DPP6: variants seen among roughly 807,000 people sequenced by gnomAD.
The protein encoded by DPP6 is dipeptidyl peptidase like 6, also known as A-type potassium channel modulatory protein DPP6.
Under a neutral mutation model 122.6 loss-of-function variants are expected in DPP6, and 69 were observed. The ratio of observed to expected loss-of-function variants is 0.56; its 90% CI spans 0.46 to 0.69. DPP6 has a LOEUF of 0.69. Among genes scored for constraint, DPP6 ranks in the 30% least tolerant of loss-of-function variants. DPP6 has a pLI of 0.00. For synonymous variants in DPP6, 418 were observed against 433.1 expected (o/e 0.97, Z 0.43); for missense variants, 928 against 1,116.9 (o/e 0.83, Z 2.41).
At chr7:154,017,398 A>G (rs1798473251) in intron 1 of DPP6, among the ~76,000 whole-genome samples, 2 of 152,160 alleles carry the variant, frequency 1.3e-5, no homozygotes, top group African/African-American at 4.8e-5. Context: ...TTTATTGTAT[A>G]TTTCAAAATA....
intron 17 of DPP6, among the ~76,000 whole-genome samples, chr7:154,861,968 C>G (rs533015428): frequency 1.1e-4 from 17 of 152,254 alleles, no homozygotes; most frequent in African/African-American, 4.1e-4. Flanking sequence ...TGTGGCCCAT[C>G]CATTCTCTGT....
chr7:153,911,226 G>T (rs1800078497), intron 1 of DPP6, among the ~76,000 whole-genome samples: 1 of 152,162 alleles, frequency 6.6e-6, no homozygotes, highest in African/African-American at 2.4e-5. Context: ...TCTTCACCCA[G>T]ATGTTGGCTT....
At chr7:154,052,025 C>T (rs1386706259), upstream of DPP6, among the ~76,000 whole-genome samples, 3 of 151,062 alleles carry the variant, frequency 2.0e-5, no homozygotes, top group Admixed American at 1.3e-4. This position sits in a 1 kb window ranked among gnomAD's most constrained non-coding sequence, Gnocchi z 4.8. Context: ...CTGGGGCGCC[C>T]CGGGGCCGGC....
chr7:154,715,740 A>G (rs111456875), intron 7 of DPP6, among the ~76,000 whole-genome samples: 3,945 of 152,202 alleles, frequency 0.026, 151 homozygotes, highest in African/African-American at 0.09. Flanking sequence ...GAGGGACTTT[A>G]TGTTGTATAA....
chr7:154,520,370 G>A (rs1311092304), intron 3 of DPP6, among the ~76,000 whole-genome samples: 4 of 152,256 alleles, frequency 2.6e-5, no homozygotes, highest in African/African-American at 9.6e-5. Context: ...CCTGCTAGCA[G>A]ATATGAAAGA....
At chr7:154,587,372 G>A (rs573246899) in intron 5 of DPP6, 1 of 515,212 alleles carries the variant, frequency 1.9e-6, no homozygotes, top group South Asian at 2.4e-5. Flanking sequence ...CCTTTGCCTT[G>A]ATCTGGACTC....
At chr7:154,670,512 G>A (rs1038249263) in intron 7 of DPP6, among the ~76,000 whole-genome samples, 6 of 152,150 alleles carry the variant, frequency 3.9e-5, no homozygotes, top group South Asian at 2.1e-4. Flanking sequence ...CTAGCCTTGC[G>A]TTTGACTAAA....
chr7:153,836,315 A>G, the DPP6 span, among the ~76,000 whole-genome samples: 3 of 152,296 alleles, frequency 2.0e-5, no homozygotes, highest in African/African-American at 7.2e-5. Flanking sequence ...AATATTATCT[A>G]TCAAAGCTAG....
At chr7:154,030,364 T>A (rs1303029431) in intron 1 of DPP6, among the ~76,000 whole-genome samples, 7 of 152,152 alleles carry the variant, frequency 4.6e-5, no homozygotes, top group African/African-American at 1.7e-4. Flanking sequence ...AGGAGGCTTC[T>A]GTGGGGTGGT....
intron 1 of DPP6, among the ~76,000 whole-genome samples, chr7:153,958,028 G>A (rs59716170): frequency 0.34 from 51,186 of 151,934 alleles, 10,011 homozygotes; most frequent in East Asian, 0.53. Flanking sequence ...GCTGGGTGTG[G>A]TGGTGGGCGT....
At chr7:154,680,705 TAAAAAG>T (rs1338468132) in intron 7 of DPP6, among the ~76,000 whole-genome samples, 2 of 144,938 alleles carry the variant, frequency 1.4e-5, no homozygotes, top group Non-Finnish European at 3.0e-5. Context: ...AAAAAAAAAT[TAAAAAG>T]AGAAGAAAAT....
At chr7:154,315,831 T>G (rs1468756) in intron 1 of DPP6, among the ~76,000 whole-genome samples, 90,958 of 151,992 alleles carry the variant, frequency 0.6, 27,711 homozygotes, top group South Asian at 0.68. Flanking sequence ...TCCATAGGGG[T>G]CAGTTTAACT....
At chr7:154,386,018 C>A (rs935761741) in intron 1 of DPP6, among the ~76,000 whole-genome samples, 21 of 152,174 alleles carry the variant, frequency 1.4e-4, no homozygotes, top group African/African-American at 4.1e-4. Context: ...AGAAAGCCAA[C>A]CCTTTCTTGC....
intron 1 of DPP6, among the ~76,000 whole-genome samples, chr7:154,090,662 G>T (rs1198982217): frequency 6.6e-6 from 1 of 151,732 alleles, no homozygotes; most frequent in Non-Finnish European, 1.5e-5. Context: ...GAGCTGAGAA[G>T]CACAGAGGTT....
At chr7:154,046,172 CA>C (rs1800008378) in intron 1 of DPP6, among the ~76,000 whole-genome samples, 2 of 152,160 alleles carry the variant, frequency 1.3e-5, no homozygotes, top group Admixed American at 1.3e-4. Context: ...AGGTCTTCTC[CA>C]AGTGTGTTTG....
At chr7:154,308,527 C>T (rs1176535409) in intron 1 of DPP6, among the ~76,000 whole-genome samples, 1 of 152,086 alleles carries the variant, frequency 6.6e-6, no homozygotes, top group Non-Finnish European at 1.5e-5. Context: ...CTGAGTTGAT[C>T]CTTTGGCTCT....
the DPP6 span, among the ~76,000 whole-genome samples, chr7:153,750,092 C>G: frequency 6.6e-6 from 1 of 152,066 alleles, no homozygotes; most frequent in Admixed American, 6.5e-5. Flanking sequence ...TCTACTTGTT[C>G]GGAGTTGAAG....
intron 25 of DPP6, chr7:154,889,806 G>A: frequency 2.1e-6 from 1 of 471,578 alleles, no homozygotes. Flanking sequence ...CCTCCTCCGG[G>A]CAGTGAGAAG....
At position 153,944,724 on chromosome 7, in the gene DPP6, G is replaced by A. The variant is rs1362656997; in HGVS notation, c.51+56990G>A. On this transcript the variant is annotated intron_variant, in intron 1 of 25. Transcript: ENST00000404039. ...CGGCCCACTGCAACCTCTGCCTCCC[G>A]TGTTCAAGCAATTCTCCCACCTCAA... 4.0e-5 allele frequency among the ~76,000 whole-genome samples: 5 copies of A among 124,620 alleles called. No individual in the cohort carries two copies. The South Asian group carries it at 1.0e-3, about 26-fold the overall frequency. The allele number at this position is 124,620 out of a possible 152,430, so 81.8% of individuals were successfully genotyped here.
Sources: gnomAD v4.1 joint callset for allele counts (sites outside exome capture counted in the v4.1 genomes callset) on GRCh38, gnomAD v4.1.1 for gene constraint, Gnocchi (gnomAD v3.1) non-coding constraint, MANE v1.5 for transcripts, NCBI Gene and HGNC (gene_info 2026-07-23, HGNC 2026-07-21) for gene names.